The following GPC5 variants were observed in gnomAD, a reference collection of about 807,000 sequenced individuals.
The protein encoded by GPC5 is glypican-5.
A neutral mutation model predicts 53.9 loss-of-function variants in GPC5; 47 were observed. That is an observed-to-expected ratio of 0.87 (90% CI 0.69 to 1.11). The LOEUF (loss-of-function observed/expected upper bound fraction) is 1.11. Ranked by LOEUF, GPC5 falls within the 50% of genes most tolerant of loss-of-function variation. The probability of loss-of-function intolerance (pLI) is 0.00; values close to 1 mark genes in which losing one functional copy is unlikely to be tolerated. For missense variants in GPC5, 748 were observed against 713.1 expected (o/e 1.05, Z -0.56); for synonymous variants, 286 against 263.3 (o/e 1.09, Z -0.84).
intron 6 of GPC5, among the ~76,000 whole-genome samples, chr13:92,141,714 C>G (rs974637922): frequency 6.6e-6 from 1 of 152,216 alleles, no homozygotes. Flanking sequence ...GGGCTCACTG[C>G]TCAGGGTCTC....
chr13:92,394,135 A>G (rs1362294797), intron 7 of GPC5, among the ~76,000 whole-genome samples: 1 of 152,152 alleles, frequency 6.6e-6, no homozygotes. Context: ...GGGGAATGAC[A>G]TGAAGGACCA....
At chr13:92,328,944 T>C (rs1157712137) in intron 7 of GPC5, among the ~76,000 whole-genome samples, 1 of 152,144 alleles carries the variant, frequency 6.6e-6, no homozygotes, top group African/African-American at 2.4e-5. Flanking sequence ...TCCTCCTCCT[T>C]GAATTTATTT....
intron 2 of GPC5, among the ~76,000 whole-genome samples, chr13:91,487,926 C>T (rs1377603846): frequency 3.0e-5 from 2 of 66,926 alleles, no homozygotes; most frequent in African/African-American, 9.4e-5. Context: ...GACATTTAAA[C>T]AGGTTTTTTT....
intron 7 of GPC5, among the ~76,000 whole-genome samples, chr13:92,581,933 T>G (rs891868434): frequency 1.3e-5 from 2 of 152,122 alleles, no homozygotes; most frequent in African/African-American, 4.8e-5. Context: ...TTGAGTTCCT[T>G]ATATATTTTG....
chr13:91,858,865 C>T (rs981104856), intron 5 of GPC5, among the ~76,000 whole-genome samples: 2 of 151,806 alleles, frequency 1.3e-5, no homozygotes. Context: ...TGGATTTCTT[C>T]ATCGTTCATT....
chr13:92,412,546 A>C (rs1049684703), intron 7 of GPC5, among the ~76,000 whole-genome samples: 1 of 152,220 alleles, frequency 6.6e-6, no homozygotes, highest in Non-Finnish European at 1.5e-5. Flanking sequence ...AGATTTTGTG[A>C]CATGTGATAA....
intron 7 of GPC5, among the ~76,000 whole-genome samples, chr13:92,693,034 T>G (rs1202968881): frequency 6.6e-6 from 1 of 152,056 alleles, no homozygotes; most frequent in Non-Finnish European, 1.5e-5. Flanking sequence ...TAAAAAGTGT[T>G]TGGCAGTTCC....
chr13:92,101,887 T>C (rs1028235513), intron 6 of GPC5, among the ~76,000 whole-genome samples: 1 of 152,216 alleles, frequency 6.6e-6, no homozygotes, highest in Non-Finnish European at 1.5e-5. Context: ...AATCAACAAC[T>C]TTAAAATATT....
chr13:92,457,308 T>G lies in GPC5; in HGVS notation c.1561+312319T>G, dbSNP rs569207414. 2.0e-5 allele frequency among the ~76,000 whole-genome samples: 3 copies of G among 152,260 alleles called. No homozygotes were observed. In the East Asian group the frequency reaches 5.8e-4, roughly 29 times the overall value. ...GGTGAATAGTGCTGTGATGAACATG[T>G]GAGTGCATGTTGGTCTGGATAATTC... On this transcript the variant is annotated intron_variant, in intron 7 of 7. Transcript: ENST00000377067.
chr13:92,440,607 T>C (rs969104454), intron 7 of GPC5, among the ~76,000 whole-genome samples: 1 of 152,216 alleles, frequency 6.6e-6, no homozygotes, highest in Admixed American at 6.5e-5. Flanking sequence ...TTCCTTTGGG[T>C]ATATACCCAG....
chr13:92,554,438 G>A (rs934114987), intron 7 of GPC5, among the ~76,000 whole-genome samples: 1 of 151,398 alleles, frequency 6.6e-6, no homozygotes, highest in South Asian at 2.1e-4. Flanking sequence ...TTTTAATTTT[G>A]ATTTATGTAT....
intron 7 of GPC5, among the ~76,000 whole-genome samples, chr13:92,652,402 C>T (rs984010171): frequency 1.3e-5 from 2 of 152,084 alleles, no homozygotes; most frequent in African/African-American, 4.8e-5. Context: ...CTTTTAGTTA[C>T]CCTGTATTTT....
At chr13:92,113,026 A>G (rs1423327188) in intron 6 of GPC5, among the ~76,000 whole-genome samples, 1 of 152,152 alleles carries the variant, frequency 6.6e-6, no homozygotes, top group Non-Finnish European at 1.5e-5. Flanking sequence ...TTGATGAAAC[A>G]TCAACTGATA....
At chr13:92,047,307 C>A (rs1258702754) in intron 6 of GPC5, among the ~76,000 whole-genome samples, 1 of 151,994 alleles carries the variant, frequency 6.6e-6, no homozygotes, top group African/African-American at 2.4e-5. Flanking sequence ...AGTTGGATGG[C>A]ATGAAAACAT....
At chr13:91,871,338 A>C (rs1217578126) in intron 5 of GPC5, among the ~76,000 whole-genome samples, 1 of 151,736 alleles carries the variant, frequency 6.6e-6, no homozygotes, top group Admixed American at 6.6e-5. Flanking sequence ...GGAAACAGAC[A>C]CCGGGGTCTA....
At chr13:91,646,927 A>G (rs2034571731) in intron 2 of GPC5, among the ~76,000 whole-genome samples, 1 of 152,214 alleles carries the variant, frequency 6.6e-6, no homozygotes, top group African/African-American at 2.4e-5. Flanking sequence ...TCATCATCAG[A>G]CACTTTGAAA....
chr13:92,012,419 T>A (rs1166168870), intron 6 of GPC5, among the ~76,000 whole-genome samples: 1 of 152,186 alleles, frequency 6.6e-6, no homozygotes, highest in African/African-American at 2.4e-5. Flanking sequence ...ATCATCCTGA[T>A]TTTTTTAAAA....
intron 2 of GPC5, among the ~76,000 whole-genome samples, chr13:91,451,008 A>G (rs1157686407): frequency 6.6e-6 from 1 of 152,208 alleles, no homozygotes; most frequent in Non-Finnish European, 1.5e-5. Flanking sequence ...TTGCTGTACC[A>G]TAAGTGAGCA....
intron 7 of GPC5, among the ~76,000 whole-genome samples, chr13:92,592,285 A>G (rs1883736916): frequency 6.6e-6 from 1 of 152,188 alleles, no homozygotes; most frequent in African/African-American, 2.4e-5. Context: ...GAAGAAGGAC[A>G]TGGTGAAGGA....
Sources: gnomAD v4.1 joint callset for allele counts (sites outside exome capture counted in the v4.1 genomes callset) on GRCh38, gnomAD v4.1.1 for gene constraint, MANE v1.5 for transcripts, NCBI Gene and HGNC (gene_info 2026-07-23, HGNC 2026-07-21) for gene names.